The following MELTF variants were observed in gnomAD, a reference collection of about 807,000 sequenced individuals.
MELTF encodes melanotransferrin, also known as antigen p97 (melanoma associated) identified by monoclonal antibodies 133.2 and 96.5.
Under a neutral mutation model 83.7 loss-of-function variants are expected in MELTF, and 67 were observed. The observed-to-expected ratio is 0.80, with a 90% CI of 0.66 to 0.98. The LOEUF is 0.98. Among genes scored for constraint, MELTF ranks in the 50% least tolerant of loss-of-function variants. MELTF has a pLI of 0.00. For missense variants in MELTF, 1,002 were observed against 1,035.6 expected (o/e 0.97, Z 0.44); for synonymous variants, 462 against 447.6 (o/e 1.03, Z -0.41).
chr3:197,013,269 G>C (rs1352521774), intron 9 of MELTF, among the ~76,000 whole-genome samples: 1 of 152,222 alleles, frequency 6.6e-6, no homozygotes, highest in Admixed American at 6.5e-5. Flanking sequence ...TTTGGGAAAA[G>C]AGTGATCTCT....
chr3:197,003,926 C>T lies in MELTF; in HGVS notation c.2112G>A (p.Met704Ile), dbSNP rs2108950367. ...GLDYVAALEG[M>I]SSQQCSGAAA... ...CTGCGCCCGAGCACTGCTGAGACGACATCCCTTCCAGCGCCGCCACGTAGT... is the reference window on the plus strand; with the variant it reads ...CTGCGCCCGAGCACTGCTGAGACGATATCCCTTCCAGCGCCGCCACGTAGT... The change falls in exon 15 of 16, where the codon ATG (methionine) becomes ATA (isoleucine). Residue 704 changes from methionine (M) to isoleucine (I), a missense_variant. By Grantham distance (10) the Met-to-Ile change is conservative. Coordinates refer to ENST00000296350, the MANE Select transcript of MELTF (RefSeq NM_005929.6). The surrounding 1 kb of genome is among the most constrained non-coding windows in gnomAD (Gnocchi z 6.2). 1 of 1,613,952 alleles carries T rather than the reference C, an allele frequency of 6.2e-7. No individual in the cohort carries two copies. The highest frequency in any genetic ancestry group is 8.5e-7 in the Non-Finnish European group (1 of 1,179,996).
At position 197,008,149 on chromosome 3, in the gene MELTF, G is replaced by A. The variant is rs529666749; in HGVS notation, c.1750+508C>T. ...CGTTCCTGAGCTCTTTGTCCCAGGC[G>A]GAGCCCAGGAAGGTGACTCCAGGAA... On this transcript the variant is annotated intron_variant, in intron 13 of 15. Coordinates refer to ENST00000296350, the MANE Select transcript of MELTF (RefSeq NM_005929.6). The surrounding 1 kb of genome is among the most constrained non-coding windows in gnomAD (Gnocchi z 5.4). 2.0e-5 allele frequency among the ~76,000 whole-genome samples: 3 copies of A among 152,302 alleles called. No homozygotes were observed. The highest frequency in any genetic ancestry group is 7.2e-5 in the African/African-American group (3 of 41,558).
chr3:197,004,966 C>T (rs2108952308), intron 14 of MELTF, among the ~76,000 whole-genome samples: 1 of 152,326 alleles, frequency 6.6e-6, no homozygotes, highest in Non-Finnish European at 1.5e-5. Context: ...GTAAAGCACT[C>T]CTGGGATAGA....
rs956339182 is a variant in MELTF at position 197,022,559 on chromosome 3, C to T, written c.644+398G>A. Reference sequence around the variant, plus strand: ...GAGCTGTTAGAGTCTCCTGCATCCACGGAAGGGTTACCCAAGGTGCCAGCC... The same window carrying T: ...GAGCTGTTAGAGTCTCCTGCATCCATGGAAGGGTTACCCAAGGTGCCAGCC... On this transcript the variant is annotated intron_variant, in intron 5 of 15. Coordinates refer to ENST00000296350, the MANE Select transcript of MELTF (RefSeq NM_005929.6). The surrounding 1 kb of genome is among the most constrained non-coding windows in gnomAD (Gnocchi z 5.1). Among the ~76,000 whole-genome samples, 3 of 152,106 alleles carry T rather than the reference C, an allele frequency of 2.0e-5. No homozygotes were observed. The highest frequency in any genetic ancestry group is 2.9e-5 in the Non-Finnish European group (2 of 68,026).
intron 9 of MELTF, 90 bp from the exon 10 acceptor site, chr3:197,010,884 C>G: frequency 1.7e-6 from 2 of 1,208,882 alleles, no homozygotes; most frequent in Non-Finnish European, 2.4e-6. Context: ...GGCCTGGTCT[C>G]TTGGGGTTTG....
At chr3:197,017,660 G>C (rs1179880671) in intron 6 of MELTF, among the ~76,000 whole-genome samples, 1 of 152,184 alleles carries the variant, frequency 6.6e-6, no homozygotes, top group Admixed American at 6.5e-5. Context: ...GGCGGATCAC[G>C]AGGTCAGGAG....
At position 197,013,481 on chromosome 3, in the gene MELTF, C is replaced by A. The variant is rs1033324247; in HGVS notation, c.1233+1884G>T. On this transcript the variant is annotated intron_variant, in intron 9 of 15. Coordinates refer to ENST00000296350, the MANE Select transcript of MELTF (RefSeq NM_005929.6). ...TCTGAGAAAAGATTTTATGAAAAGA[C>A]CTCGAAAGCATAGGCAACAAAAGCA... Among the ~76,000 whole-genome samples, 7 of 152,128 alleles carry A rather than the reference C, an allele frequency of 4.6e-5. 1 individual carries two copies. The highest frequency in any genetic ancestry group is 1.0e-4 in the Non-Finnish European group (7 of 68,026).
rs769249338 is a variant in MELTF, at chr3:197,011,384, G to A, written c.1234-590C>T. Among the ~76,000 whole-genome samples, 4 of 152,090 alleles carry A rather than the reference G, an allele frequency of 2.6e-5. No homozygotes were observed. Among genetic ancestry groups the A allele is most frequent in the East Asian group, 1.9e-4 (1 of 5,160 alleles). ...CCTCCAGGTCACCTGCACCCACCCC[G>A]CTTGTCCATTCGGAAGCCTATTGAC... On this transcript the variant is annotated intron_variant, in intron 9 of 15. Coordinates refer to ENST00000296350, the MANE Select transcript of MELTF (RefSeq NM_005929.6). This position sits in a 1 kb window ranked among gnomAD's most constrained non-coding sequence, Gnocchi z 4.2.
chr3:197,018,154 C>A (rs964197015), intron 6 of MELTF, among the ~76,000 whole-genome samples: 3 of 152,070 alleles, frequency 2.0e-5, no homozygotes, highest in Admixed American at 6.6e-5. Context: ...CTCACCCCCC[C>A]TTTTTCTTTT....
chr3:197,016,179 GTGGACTTACGGT>G lies in MELTF; in HGVS notation c.1079_1081+9del. 1 of 1,518,108 alleles carries G rather than the reference GTGGACTTACGGT, an allele frequency of 6.6e-7. No individual in the cohort carries two copies. The highest frequency in any genetic ancestry group is 8.9e-7 in the Non-Finnish European group (1 of 1,129,470). The allele number at this position is 1,518,108 out of a possible 1,614,324, so 94.0% of individuals were successfully genotyped here. On this transcript the variant is annotated splice_donor_variant and splice_donor_5th_base_variant and coding_sequence_variant and intron_variant, in exon 8 of 16. Transcript: ENST00000296350. LOFTEE classifies it high-confidence loss of function. ...CTGGAGCTGGCAGCAGTGGGGACAG[GTGGACTTACGGT>G]TGGGGTCACAGAGCAGACCCTTCAT...
chr3:197,029,594 A>G lies in MELTF; in HGVS notation c.49+60T>C. Reference sequence around the variant, plus strand: ...ACATTTCCAGCCCCGGGACCTGCTCAGCCGGGCCGCGGCGCCCCGGGACCC... The same window carrying G: ...ACATTTCCAGCCCCGGGACCTGCTCGGCCGGGCCGCGGCGCCCCGGGACCC... On this transcript the variant is annotated intron_variant, in intron 1 of 15. Coordinates refer to ENST00000296350, the MANE Select transcript of MELTF (RefSeq NM_005929.6). This position sits in a 1 kb window ranked among gnomAD's most constrained non-coding sequence, Gnocchi z 6.5. The G allele has an allele frequency of 8.2e-7, 1 of 1,214,616 alleles. No individual in the cohort carries two copies. 75.2% of individuals were successfully genotyped at this position (1,214,616 alleles called of 1,614,324 possible).
chr3:197,003,325 G>T lies in MELTF; in HGVS notation c.*47C>A, dbSNP rs1223000809. 9.6e-7 allele frequency: 1 copy of T among 1,046,070 alleles called. No individual in the cohort carries two copies. The highest frequency in any genetic ancestry group is 1.7e-5 in the African/African-American group (1 of 57,976). 64.8% of individuals were successfully genotyped at this position (1,046,070 alleles called of 1,614,324 possible). On this transcript the variant is annotated 3_prime_UTR_variant, in exon 16 of 16. Coordinates refer to ENST00000296350, the MANE Select transcript of MELTF (RefSeq NM_005929.6). This position sits in a 1 kb window ranked among gnomAD's most constrained non-coding sequence, Gnocchi z 6.2. ...TGGATTCCAGCGCGAAGCCGCCGCG[G>T]AAACTCCCCGGGCGGGCATCGGAGC...
chr3:197,021,189 G>T, intron 6 of MELTF: 1 of 558,080 alleles, frequency 1.8e-6, no homozygotes, highest in Non-Finnish European at 3.2e-6. Flanking sequence ...TGCCCTGTGG[G>T]CAGTGGGCAC....
At chr3:197,027,356 G>T (rs1484556723) in intron 2 of MELTF, among the ~76,000 whole-genome samples, 2 of 152,236 alleles carry the variant, frequency 1.3e-5, no homozygotes, top group Non-Finnish European at 2.9e-5. Flanking sequence ...CCTACCCCAT[G>T]CTCACCCACC....
In MELTF at chr3:197,008,100, A is replaced by G. The variant is rs994399040; in HGVS notation, c.1750+557T>C. Among the ~76,000 whole-genome samples the G allele has an allele frequency of 6.6e-6, 1 of 152,096 alleles. No individual in the cohort carries two copies. Among genetic ancestry groups the G allele is most frequent in the East Asian group, 1.9e-4 (1 of 5,186 alleles). On this transcript the variant is annotated intron_variant, in intron 13 of 15. Coordinates refer to ENST00000296350, the MANE Select transcript of MELTF (RefSeq NM_005929.6). The surrounding 1 kb of genome is among the most constrained non-coding windows in gnomAD (Gnocchi z 5.4). ...AGCGTGTGCTCTGATAGGACCATGTATGTACTGGGGTCCCGGAGCAGAGCG... is the reference window on the plus strand; with the variant it reads ...AGCGTGTGCTCTGATAGGACCATGTGTGTACTGGGGTCCCGGAGCAGAGCG...
Position 197,021,437 on chromosome 3 carries a change from CA to C in MELTF, c.678del (p.Phe226LeufsTer2). The C allele has an allele frequency of 6.2e-7, 1 of 1,614,010 alleles. No homozygotes were observed. Among genetic ancestry groups the C allele is most frequent in the East Asian group, 2.2e-5 (1 of 44,890 alleles). ...CLAEGAGDVA[F>X]VKHSTVLENT... ...TTCTCCAGTACCGTGCTGTGCTTCACAAAAGCCACGTCCCCTGCCCCTTCCG... is the reference window on the plus strand; with the variant it reads ...TTCTCCAGTACCGTGCTGTGCTTCACAAAGCCACGTCCCCTGCCCCTTCCG... On this transcript the variant is annotated frameshift_variant, in exon 6 of 16. Transcript: ENST00000296350. LOFTEE classifies it high-confidence loss of function.
chr3:197,007,720 T>G lies in MELTF; in HGVS notation c.1750+937A>C, dbSNP rs1316821561. On this transcript the variant is annotated intron_variant, in intron 13 of 15. Transcript: ENST00000296350. The surrounding 1 kb of genome is among the most constrained non-coding windows in gnomAD (Gnocchi z 4.3). ...GGCCTGGAGCCCTCCCTAGCTCTGC[T>G]GGGGCAAATGGTCCTACCGCCTTGG... Among the ~76,000 whole-genome samples the G allele has an allele frequency of 6.6e-6, 1 of 152,210 alleles. No individual in the cohort carries two copies. Among genetic ancestry groups the G allele is most frequent in the Non-Finnish European group, 1.5e-5 (1 of 68,028 alleles).
chr3:197,016,291 CTT>C lies in MELTF; in HGVS notation c.977_978del (p.Lys326ArgfsTer15). 1.9e-6 allele frequency: 3 copies of C among 1,613,246 alleles called. No individual in the cohort carries two copies. The highest frequency in any genetic ancestry group is 2.5e-6 in the Non-Finnish European group (3 of 1,179,490). On this transcript the variant is annotated frameshift_variant, in exon 8 of 16. Transcript: ENST00000296350. LOFTEE classifies it high-confidence loss of function. ...EAYGQKDLLFKDSTSELVPIA... is the reference protein window; with the variant it reads ...EAYGQKDLLFXDSTSELVPIA... ...ATGGGCACAAGCTCCGAGGTAGAGT[CTT>C]TGAAGAGTAGATCCTTCTGGCCATA...
rs1479335306 is a variant in MELTF, at chr3:197,029,329, C to T, written c.49+325G>A. The stretch of plus-strand genomic sequence containing the variant: ...CCCCCAAAGTCTTCCTGAGTTCCTG[C>T]GCCCGTCGGGAGGGGCCGCCCTCCG... On this transcript the variant is annotated intron_variant, in intron 1 of 15. Transcript: ENST00000296350. This position sits in a 1 kb window ranked among gnomAD's most constrained non-coding sequence, Gnocchi z 6.5. 1 of 300,850 alleles carries T rather than the reference C, an allele frequency of 3.3e-6. No individual in the cohort carries two copies. The highest frequency in any genetic ancestry group is 5.2e-5 in the East Asian group (1 of 19,074). The allele number at this position is 300,850 out of a possible 1,614,324, so 18.6% of individuals were successfully genotyped here. A position where few individuals can be genotyped will look rare whatever the true frequency, so the allele number is the denominator to read the frequency against.
Sources: allele counts gnomAD v4.1 joint callset (sites outside exome capture counted in the v4.1 genomes callset), GRCh38; gene constraint gnomAD v4.1.1; non-coding constraint Gnocchi (gnomAD v3.1); transcripts MANE v1.5; gene names NCBI Gene and HGNC (gene_info 2026-07-23, HGNC 2026-07-21).